Variants in EGFR observed in about 807,000 individuals in gnomAD.
The protein encoded by EGFR is epidermal growth factor receptor.
EGFR carries 58 observed loss-of-function variants against 143.0 expected under a neutral mutation model. That is an observed-to-expected ratio of 0.41 (90% CI 0.33 to 0.50). EGFR has a LOEUF of 0.50. EGFR is among the 20% of genes least tolerant of loss of function. EGFR has a pLI of 0.39. For missense variants in EGFR, 1,307 were observed against 1,579.0 expected (o/e 0.83, Z 2.92); for synonymous variants, 613 against 594.4 (o/e 1.03, Z -0.45).
intron 16 of EGFR, among the ~76,000 whole-genome samples, chr7:55,171,429 G>A (rs1786345613): frequency 6.6e-6 from 1 of 152,188 alleles, no homozygotes; most frequent in Non-Finnish European, 1.5e-5. Flanking sequence ...AGGGAAAGTT[G>A]GACACACAGT....
At chr7:55,044,638 G>C (rs911258655) in intron 1 of EGFR, among the ~76,000 whole-genome samples, 3 of 152,332 alleles carry the variant, frequency 2.0e-5, no homozygotes, top group Non-Finnish European at 4.4e-5. Context: ...AGGTGACCAA[G>C]GGTCTTGTTG....
intron 20 of EGFR, among the ~76,000 whole-genome samples, chr7:55,188,645 G>A (rs928527592): frequency 6.6e-6 from 1 of 152,060 alleles, no homozygotes; most frequent in Non-Finnish European, 1.5e-5. Flanking sequence ...TTCTTCCTGC[G>A]ACCTCTGCTC....
At chr7:55,204,549 CACAT>C (rs1194139240) in intron 27 of EGFR, among the ~76,000 whole-genome samples, 1 of 145,726 alleles carries the variant, frequency 6.9e-6, no homozygotes, top group Non-Finnish European at 1.5e-5. Context: ...TATACACACA[CACAT>C]ACACACCACA....
At chr7:55,050,923 C>T (rs1167778852) in intron 1 of EGFR, among the ~76,000 whole-genome samples, 2 of 152,248 alleles carry the variant, frequency 1.3e-5, no homozygotes, top group African/African-American at 4.8e-5. Flanking sequence ...TCACTCCTCA[C>T]TGTTCCTGCA....
chr7:55,078,942 CA>C (rs1159666588), intron 1 of EGFR, among the ~76,000 whole-genome samples: 1 of 152,198 alleles, frequency 6.6e-6, no homozygotes, highest in Non-Finnish European at 1.5e-5. Context: ...CGGGGCCCTC[CA>C]GACCTCTTTC....
chr7:55,114,569 C>T (rs896861197), intron 1 of EGFR, among the ~76,000 whole-genome samples: 2 of 152,030 alleles, frequency 1.3e-5, no homozygotes, highest in Non-Finnish European at 2.9e-5. Context: ...TCTATGTATA[C>T]AATAATTTTT....
chr7:55,187,774 C>G (rs1584249987), intron 20 of EGFR, among the ~76,000 whole-genome samples: 1 of 152,208 alleles, frequency 6.6e-6, no homozygotes, highest in Non-Finnish European at 1.5e-5. Flanking sequence ...CCCCCCTGAA[C>G]CCCATCCCTT....
At chr7:55,170,386 G>A (rs761106266) in intron 15 of EGFR, 41 of 1,614,034 alleles carry the variant, frequency 2.5e-5, no homozygotes, top group African/African-American at 2.3e-4. Context: ...TGATGGCAGC[G>A]TGTCCCACCA....
rs1398828108 is a variant in EGFR at position 55,019,367 on chromosome 7, T to G, written c.88+2T>G. On this transcript the variant is annotated splice_donor_variant, in intron 1 of 27. Transcript: ENST00000275493. LOFTEE classifies it high-confidence loss of function. ...GTCGGGCTCTGGAGGAAAAGAAAGG[T>G]AAGGGCGTGTCTCGCCGGCTCCCGC... 6.7e-7 allele frequency: 1 copy of G among 1,486,114 alleles called. No individual in the cohort carries two copies. Among genetic ancestry groups the G allele is most frequent in the Admixed American group, 2.0e-5 (1 of 49,750 alleles). The allele number at this position is 1,486,114 out of a possible 1,614,324, so 92.1% of individuals were successfully genotyped here.
intron 7 of EGFR, among the ~76,000 whole-genome samples, chr7:55,155,346 G>A (rs1310650748): frequency 6.6e-6 from 1 of 152,230 alleles, no homozygotes; most frequent in Non-Finnish European, 1.5e-5. Flanking sequence ...GGAGGCTGAG[G>A]CAGGAGAATT....
intron 16 of EGFR, 135 bp downstream of exon 16, chr7:55,171,348 C>A: frequency 7.8e-7 from 1 of 1,280,762 alleles, no homozygotes; most frequent in Non-Finnish European, 1.1e-6. Context: ...AGCCTACCCT[C>A]AGCCAGGGTT....
chr7:55,129,220 C>T (rs565468687), intron 1 of EGFR, among the ~76,000 whole-genome samples: 1 of 152,216 alleles, frequency 6.6e-6, no homozygotes, highest in African/African-American at 2.4e-5. Flanking sequence ...GCTGGGGAGG[C>T]CTTTGCAGAG....
intron 1 of EGFR, among the ~76,000 whole-genome samples, chr7:55,046,522 C>T (rs781390081): frequency 1.3e-5 from 2 of 150,786 alleles, no homozygotes. Context: ...TGGCGTGGTG[C>T]GTCCTAAGCC....
chr7:55,199,073 A>G (rs1043708933), intron 23 of EGFR, among the ~76,000 whole-genome samples: 1 of 152,258 alleles, frequency 6.6e-6, no homozygotes, highest in Non-Finnish European at 1.5e-5. Context: ...ACATTTGCCC[A>G]TGTTTGCAAG....
chr7:55,104,259 G>A (rs1435560411), intron 1 of EGFR, among the ~76,000 whole-genome samples: 1 of 152,240 alleles, frequency 6.6e-6, no homozygotes, highest in South Asian at 2.1e-4. Flanking sequence ...CCGAGGCATG[G>A]AGAGCAAGTG....
intron 1 of EGFR, among the ~76,000 whole-genome samples, chr7:55,028,026 A>ATATATG (rs1491096841): frequency 9.4e-4 from 99 of 105,576 alleles, no homozygotes; most frequent in Admixed American, 1.7e-3. Context: ...ATATATATAT[A>ATATATG]CACACACACA....
chr7:55,061,620 G>GTGTGTA (rs1789178511), intron 1 of EGFR, among the ~76,000 whole-genome samples: 2 of 126,216 alleles, frequency 1.6e-5, no homozygotes, highest in East Asian at 3.9e-4. Flanking sequence ...GGATGTGTGT[G>GTGTGTA]TGTGTGTGTG....
rs768735314 is a variant in EGFR at position 55,163,772 on chromosome 7, G to A, written c.1671G>A (p.Gln557=). The change falls in exon 14 of 28, where the codon CAG becomes CAA. Residue 557 remains glutamine, a synonymous_variant. Coordinates refer to ENST00000275493, the MANE Select transcript of EGFR (RefSeq NM_005228.5). ...TTGTGGAGAACTCTGAGTGCATACAGTGCCACCCAGAGTGCCTGCCTCAGG... is the reference window on the plus strand; with the variant it reads ...TTGTGGAGAACTCTGAGTGCATACAATGCCACCCAGAGTGCCTGCCTCAGG... ...REFVENSECI[Q]CHPECLPQAM... 5.0e-6 allele frequency: 8 copies of A among 1,614,230 alleles called. No individual in the cohort carries two copies. Among genetic ancestry groups the A allele is most frequent in the African/African-American group, 2.7e-5 (2 of 75,066 alleles).
At chr7:55,164,312 G>A (rs915678599) in intron 14 of EGFR, among the ~76,000 whole-genome samples, 6 of 151,912 alleles carry the variant, frequency 3.9e-5, no homozygotes, top group African/African-American at 9.7e-5. Context: ...GTGAGAATTC[G>A]GGCCCCTCTC....
Sources: allele counts gnomAD v4.1 joint callset (sites outside exome capture counted in the v4.1 genomes callset), GRCh38; gene constraint gnomAD v4.1.1; transcripts MANE v1.5; gene names NCBI Gene and HGNC (gene_info 2026-07-23, HGNC 2026-07-21).